Variants in CFAP299 observed in about 807,000 individuals in gnomAD.
CFAP299 encodes the protein cilia- and flagella-associated protein 299.
CFAP299 carries 21 observed loss-of-function variants against 27.0 expected under a neutral mutation model. The ratio of observed to expected loss-of-function variants is 0.78; its 90% CI spans 0.55 to 1.12. The LOEUF (loss-of-function observed/expected upper bound fraction) is 1.12. Ranked by LOEUF, CFAP299 falls within the 50% of genes most tolerant of loss-of-function variation. CFAP299 has a pLI of 0.00. For missense variants in CFAP299, 310 were observed against 276.6 expected (o/e 1.12, Z -0.86); for synonymous variants, 104 against 98.1 (o/e 1.06, Z -0.36).
intron 2 of CFAP299, among the ~76,000 whole-genome samples, chr4:80,562,105 G>T (rs1487297716): frequency 6.6e-6 from 1 of 152,030 alleles, no homozygotes; most frequent in African/African-American, 2.4e-5. Flanking sequence ...GATAGTATTT[G>T]CAAGCCTCAT....
chr4:80,606,400 T>C (rs1737677087), intron 3 of CFAP299, among the ~76,000 whole-genome samples: 1 of 152,036 alleles, frequency 6.6e-6, no homozygotes, highest in African/African-American at 2.4e-5. Flanking sequence ...GCTGGGATGG[T>C]GGCAGGCGCC....
chr4:80,859,929 C>T (rs777172251), intron 3 of CFAP299, among the ~76,000 whole-genome samples: 1 of 152,070 alleles, frequency 6.6e-6, no homozygotes, highest in Non-Finnish European at 1.5e-5. Flanking sequence ...GTGACATTCT[C>T]TTTATTTCCT....
chr4:80,810,460 T>G (rs1251309506), intron 3 of CFAP299, among the ~76,000 whole-genome samples: 1 of 151,934 alleles, frequency 6.6e-6, no homozygotes, highest in Non-Finnish European at 1.5e-5. Context: ...GTTAAGAATC[T>G]TGAGATGAAA....
At chr4:80,463,419 T>A (rs1454335127) in intron 2 of CFAP299, among the ~76,000 whole-genome samples, 1 of 152,176 alleles carries the variant, frequency 6.6e-6, no homozygotes, top group Non-Finnish European at 1.5e-5. Context: ...CATATAAATA[T>A]TTAGTTGAAA....
In CFAP299 at chr4:80,424,828, G is replaced by T. The variant is rs779280204; in HGVS notation, c.242+61944G>T. On this transcript the variant is annotated intron_variant, in intron 2 of 5. Transcript: ENST00000358105. The stretch of plus-strand genomic sequence containing the variant: ...TCTCTACCCATTATATTAAACTGTC[G>T]TCAATCACTAAACATTGCATAGTTT... Among the ~76,000 whole-genome samples, 3 of 152,166 alleles carry T rather than the reference G, an allele frequency of 2.0e-5. No individual in the cohort carries two copies. The South Asian group carries it at 6.2e-4, about 32-fold the overall frequency.
intron 5 of CFAP299, among the ~76,000 whole-genome samples, chr4:80,945,685 A>G (rs960905650): frequency 1.3e-5 from 2 of 152,154 alleles, no homozygotes; most frequent in African/African-American, 2.4e-5. Context: ...CAAGAAAAAG[A>G]TTCTTTCATA....
At chr4:80,553,020 T>G (rs1163745725) in intron 2 of CFAP299, among the ~76,000 whole-genome samples, 2 of 152,046 alleles carry the variant, frequency 1.3e-5, no homozygotes, top group South Asian at 2.1e-4. Flanking sequence ...AAAGTTTTAT[T>G]TTAGATTTGG....
chr4:80,360,272 G>A (rs1290642730), intron 1 of CFAP299, among the ~76,000 whole-genome samples: 2 of 152,188 alleles, frequency 1.3e-5, no homozygotes, highest in African/African-American at 4.8e-5. Context: ...CTCTCTGCAG[G>A]CACTCACCAC....
intron 2 of CFAP299, among the ~76,000 whole-genome samples, chr4:80,397,859 A>G (rs549868785): frequency 6.6e-4 from 101 of 152,316 alleles, no homozygotes; most frequent in African/African-American, 2.3e-3. Context: ...GGAGAAAGAA[A>G]TAAAGGGTAT....
intron 2 of CFAP299, among the ~76,000 whole-genome samples, chr4:80,506,431 A>T (rs1248504602): frequency 6.6e-6 from 1 of 152,154 alleles, no homozygotes; most frequent in Non-Finnish European, 1.5e-5. Flanking sequence ...TTGAAGTTAG[A>T]CTAGCTACAT....
chr4:80,489,007 T>C (rs1022506079), intron 2 of CFAP299, among the ~76,000 whole-genome samples: 4 of 152,240 alleles, frequency 2.6e-5, no homozygotes, highest in Non-Finnish European at 5.9e-5. Flanking sequence ...TTTAGTGTTG[T>C]CTGAAACAAA....
chr4:80,676,564 A>C lies in CFAP299; in HGVS notation c.333+93381A>C, dbSNP rs532634917. Among the ~76,000 whole-genome samples, 4 of 152,232 alleles carry C rather than the reference A, an allele frequency of 2.6e-5. No homozygotes were observed. In the East Asian group the frequency reaches 7.7e-4, roughly 29 times the overall value. On this transcript the variant is annotated intron_variant, in intron 3 of 5. Transcript: ENST00000358105. ...CTTTAAATTTTTGGCAAACTCAACT[A>C]CAAAGCTATCAGATTCTGGGCTTTT...
At chr4:80,491,381 TA>T (rs1459324292) in intron 2 of CFAP299, among the ~76,000 whole-genome samples, 1 of 152,070 alleles carries the variant, frequency 6.6e-6, no homozygotes, top group Non-Finnish European at 1.5e-5. Flanking sequence ...TTCAGGCTTT[TA>T]AAAAAATTAT....
intron 4 of CFAP299, among the ~76,000 whole-genome samples, chr4:80,936,077 A>T (rs1427413346): frequency 6.6e-6 from 1 of 152,132 alleles, no homozygotes; most frequent in Non-Finnish European, 1.5e-5. Flanking sequence ...GTTGGTGCAA[A>T]ATTGTAGCTT....
chr4:80,838,999 C>G (rs1044453764), intron 3 of CFAP299, among the ~76,000 whole-genome samples: 1 of 152,156 alleles, frequency 6.6e-6, no homozygotes, highest in Non-Finnish European at 1.5e-5. Context: ...TACATTTCTT[C>G]TCCCAAAGAC....
At chr4:80,327,690 T>TTTTATATATATATATATA in the CFAP299 span, among the ~76,000 whole-genome samples, 118 of 51,202 alleles carry the variant, frequency 2.3e-3, 5 homozygotes, top group Middle Eastern at 0.028. Flanking sequence ...TAGAGAGAAG[T>TTTTATATATATATATATA]TATATATATA....
intron 2 of CFAP299, among the ~76,000 whole-genome samples, chr4:80,466,840 C>G (rs1322110464): frequency 6.6e-6 from 1 of 152,144 alleles, no homozygotes; most frequent in Non-Finnish European, 1.5e-5. Context: ...CCTTGCACTG[C>G]CATAGATAGT....
At chr4:80,436,299 T>C (rs983842176) in intron 2 of CFAP299, among the ~76,000 whole-genome samples, 2 of 142,080 alleles carry the variant, frequency 1.4e-5, no homozygotes, top group African/African-American at 5.3e-5. Flanking sequence ...TGGGATATCT[T>C]TTTTTTTTTT....
intron 4 of CFAP299, among the ~76,000 whole-genome samples, chr4:80,890,717 C>T (rs1734228064): frequency 6.6e-6 from 1 of 150,740 alleles, no homozygotes. Flanking sequence ...TCCTCTCTAG[C>T]ACCTGTTGTT....
Sources: gnomAD v4.1 joint callset for allele counts (sites outside exome capture counted in the v4.1 genomes callset) on GRCh38, gnomAD v4.1.1 for gene constraint, MANE v1.5 for transcripts, NCBI Gene and HGNC (gene_info 2026-07-23, HGNC 2026-07-21) for gene names.